Variants in ANKS1B observed in about 807,000 individuals in gnomAD.
ANKS1B encodes ankyrin repeat and sterile alpha motif domain containing 1B, also known as ankyrin repeat and sterile alpha motif domain-containing protein 1B.
A neutral mutation model predicts 148.3 loss-of-function variants in ANKS1B; 36 were observed. The observed-to-expected ratio is 0.24, with a 90% confidence interval of 0.19 to 0.32. The LOEUF (loss-of-function observed/expected upper bound fraction) is 0.32. Among genes scored for constraint, ANKS1B ranks in the 10% least tolerant of loss-of-function variants. The pLI, the probability that ANKS1B is intolerant of heterozygous loss-of-function variation, is 1.00. For synonymous variants in ANKS1B, 542 were observed against 560.8 expected (o/e 0.97, Z 0.47); for missense variants, 1,157 against 1,542.6 (o/e 0.75, Z 4.19).
At chr12:99,087,073 T>C (rs1056579017) in intron 15 of ANKS1B, among the ~76,000 whole-genome samples, 3 of 152,140 alleles carry the variant, frequency 2.0e-5, no homozygotes, top group Non-Finnish European at 4.4e-5. Context: ...TGTGGAATGA[T>C]GCAGAAATGT....
At chr12:99,831,748 C>G (rs1188633980) in intron 1 of ANKS1B, among the ~76,000 whole-genome samples, 1 of 151,934 alleles carries the variant, frequency 6.6e-6, no homozygotes, top group Non-Finnish European at 1.5e-5. Flanking sequence ...GTGAACCTCC[C>G]TGGGAGGAGA....
intron 1 of ANKS1B, among the ~76,000 whole-genome samples, chr12:99,942,517 A>C (rs2094945258): frequency 6.6e-6 from 1 of 152,156 alleles, no homozygotes; most frequent in Non-Finnish European, 1.5e-5. Context: ...GAGGGACAAC[A>C]GAAGGAAGAA....
chr12:99,096,246 C>A (rs1188307535), intron 15 of ANKS1B, among the ~76,000 whole-genome samples: 1 of 152,004 alleles, frequency 6.6e-6, no homozygotes, highest in African/African-American at 2.4e-5. Context: ...ATCTGGAATG[C>A]CTTTGGTGGG....
chr12:98,970,108 T>A (rs542262564), intron 17 of ANKS1B, among the ~76,000 whole-genome samples: 3 of 152,264 alleles, frequency 2.0e-5, no homozygotes, highest in Admixed American at 1.3e-4. Context: ...GTTTCTCTAA[T>A]GGAGTTTTGC....
chr12:99,339,945 G>A (rs2089630885), intron 12 of ANKS1B, among the ~76,000 whole-genome samples: 1 of 152,058 alleles, frequency 6.6e-6, no homozygotes, highest in Admixed American at 6.5e-5. Flanking sequence ...TCACTGAAAT[G>A]TTCTATCTTG....
chr12:99,869,714 A>G (rs2091249674), intron 1 of ANKS1B, among the ~76,000 whole-genome samples: 1 of 151,974 alleles, frequency 6.6e-6, no homozygotes, highest in Admixed American at 6.6e-5. Flanking sequence ...GCAGAGCCAC[A>G]GAGAAACAAT....
chr12:99,809,412 G>C (rs2068054846), intron 3 of ANKS1B, among the ~76,000 whole-genome samples: 3 of 151,294 alleles, frequency 2.0e-5, no homozygotes, highest in Non-Finnish European at 4.4e-5. Flanking sequence ...GAAGGTAAAG[G>C]GAAGAAAGGA....
intron 17 of ANKS1B, among the ~76,000 whole-genome samples, chr12:98,928,298 A>T (rs2152948088): frequency 6.6e-6 from 1 of 151,866 alleles, no homozygotes; most frequent in Non-Finnish European, 1.5e-5. Flanking sequence ...TAAAAAAAAA[A>T]AACTTCCCAC....
chr12:99,526,075 T>G (rs1296290080), intron 9 of ANKS1B, among the ~76,000 whole-genome samples: 1 of 152,176 alleles, frequency 6.6e-6, no homozygotes, highest in Non-Finnish European at 1.5e-5. Context: ...CAACTTCATT[T>G]ATAATTAAAT....
chr12:99,461,926 T>A (rs1295333134), intron 10 of ANKS1B, among the ~76,000 whole-genome samples: 6 of 152,232 alleles, frequency 3.9e-5, no homozygotes, highest in African/African-American at 1.4e-4. Context: ...TCTTCCACAC[T>A]ACATCTATTG....
intron 17 of ANKS1B, among the ~76,000 whole-genome samples, chr12:99,019,159 T>C (rs932079253): frequency 2.0e-5 from 3 of 152,174 alleles, no homozygotes; most frequent in African/African-American, 7.2e-5. Flanking sequence ...AGTTTTGAGA[T>C]TGTTGTGAGT....
chr12:99,023,913 A>G (rs998999987), intron 17 of ANKS1B, among the ~76,000 whole-genome samples: 1 of 149,634 alleles, frequency 6.7e-6, no homozygotes, highest in African/African-American at 2.4e-5. Flanking sequence ...TATAAAATTA[A>G]TCATATGTAA....
chr12:99,552,947 A>G (rs1237513692), intron 9 of ANKS1B, among the ~76,000 whole-genome samples: 5 of 152,096 alleles, frequency 3.3e-5, no homozygotes, highest in Non-Finnish European at 7.4e-5. Flanking sequence ...ACAACCATCT[A>G]TTTTTTTCCA....
At chr12:99,692,132 T>A (rs1213030015) in intron 8 of ANKS1B, among the ~76,000 whole-genome samples, 1 of 152,146 alleles carries the variant, frequency 6.6e-6, no homozygotes, top group Non-Finnish European at 1.5e-5. Context: ...ATCACTGAGA[T>A]TTAAGCATGG....
At chr12:99,207,385 T>C (rs2082805217) in intron 14 of ANKS1B, among the ~76,000 whole-genome samples, 1 of 42,998 alleles carries the variant, frequency 2.3e-5, no homozygotes, top group African/African-American at 2.0e-4. Context: ...TAGATATTTA[T>C]GAAATATCAG....
At chr12:99,939,008 C>A (rs867699029) in intron 1 of ANKS1B, among the ~76,000 whole-genome samples, 2 of 152,140 alleles carry the variant, frequency 1.3e-5, no homozygotes, top group African/African-American at 4.8e-5. Context: ...TAATAACCAC[C>A]TTTTCTTAAA....
intron 14 of ANKS1B, among the ~76,000 whole-genome samples, chr12:99,180,749 CA>C (rs771957650): frequency 6.7e-6 from 1 of 149,842 alleles, no homozygotes; most frequent in Non-Finnish European, 1.5e-5. Context: ...GGGGTCCAAA[CA>C]CAAAACCCCA....
chr12:98,764,960 C>A (rs1313156887), intron 25 of ANKS1B, among the ~76,000 whole-genome samples: 1 of 152,198 alleles, frequency 6.6e-6, no homozygotes, highest in Non-Finnish European at 1.5e-5. Flanking sequence ...ATGGCAGGCA[C>A]TCTATCAATA....
rs533536808 is a variant in ANKS1B, at chr12:98,768,560, C to T, written c.3579+4482G>A. Among the ~76,000 whole-genome samples, 656 of 151,562 alleles carry T rather than the reference C, an allele frequency of 4.3e-3. 1 individual carries two copies. Among genetic ancestry groups the T allele is most frequent in the Non-Finnish European group, 7.4e-3 (499 of 67,880 alleles). On this transcript the variant is annotated intron_variant, in intron 25 of 26. Coordinates refer to ENST00000683438, the MANE Select transcript of ANKS1B (RefSeq NM_001352186.2). ...CCATCTTGGCTAACATGGTGAAACC[C>T]GGTCTCTACTAAAAATACAAAAAAT... is the stretch of plus-strand genomic sequence containing the variant.
Sources: allele counts gnomAD v4.1 joint callset (sites outside exome capture counted in the v4.1 genomes callset), GRCh38; gene constraint gnomAD v4.1.1; transcripts MANE v1.5; gene names NCBI Gene and HGNC (gene_info 2026-07-23, HGNC 2026-07-21).